The following SLIT3 variants were observed in gnomAD, a reference collection of about 807,000 sequenced individuals.
SLIT3 encodes the protein slit guidance ligand 3.
SLIT3 carries 68 observed loss-of-function variants against 184.0 expected under a neutral mutation model. That is an observed-to-expected ratio of 0.37 (90% CI 0.30 to 0.45). The LOEUF (loss-of-function observed/expected upper bound fraction) is 0.45. Ranked by LOEUF, SLIT3 falls within the 20% of genes least tolerant of loss-of-function variation. The pLI is 1.00. For missense variants in SLIT3, 1,707 were observed against 2,026.0 expected (o/e 0.84, Z 3.02); for synonymous variants, 831 against 828.6 (o/e 1.00, Z -0.05).
intron 4 of SLIT3, among the ~76,000 whole-genome samples, chr5:169,038,452 A>G (rs1299388045): frequency 3.3e-5 from 5 of 152,244 alleles, no homozygotes; most frequent in African/African-American, 1.2e-4. Flanking sequence ...ATATGTGTAA[A>G]TAAGAAGATG....
chr5:169,078,795 T>C (rs1758849218), intron 4 of SLIT3, among the ~76,000 whole-genome samples: 1 of 152,212 alleles, frequency 6.6e-6, no homozygotes, highest in African/African-American at 2.4e-5. Flanking sequence ...GTGGCAGATA[T>C]CATACCAGAC....
chr5:168,982,025 A>G (rs1754965934), intron 4 of SLIT3, among the ~76,000 whole-genome samples: 1 of 152,230 alleles, frequency 6.6e-6, no homozygotes, highest in Non-Finnish European at 1.5e-5. Context: ...CCACCTATAT[A>G]TGATATTAAC....
intron 1 of SLIT3, among the ~76,000 whole-genome samples, chr5:169,274,819 ATACT>A (rs920637861): frequency 6.6e-5 from 10 of 152,212 alleles, no homozygotes; most frequent in Non-Finnish European, 1.3e-4. Context: ...CTGGATTCAA[ATACT>A]TACCAGTTGG....
At chr5:169,254,300 C>A (rs1420957783) in intron 1 of SLIT3, among the ~76,000 whole-genome samples, 1 of 152,126 alleles carries the variant, frequency 6.6e-6, no homozygotes, top group African/African-American at 2.4e-5. Flanking sequence ...ACTGTCCCGG[C>A]CCAGGCTCCT....
Position 169,044,609 on chromosome 5 carries a change from T to C in SLIT3, c.413+148870A>G, listed in dbSNP as rs1163236520. On this transcript the variant is annotated intron_variant, in intron 4 of 35. Coordinates refer to ENST00000519560, the MANE Select transcript of SLIT3 (RefSeq NM_003062.4). ...AGGTGGGGGGGGGGATGGGGAGAAA[T>C]TGTTAATGGGTACCAGATTTCTCTT... 2.0e-5 allele frequency among the ~76,000 whole-genome samples: 3 copies of C among 151,176 alleles called. No homozygotes were observed. In the East Asian group the frequency reaches 5.8e-4, roughly 29 times the overall value.
At chr5:168,865,246 G>A (rs1759257733) in intron 5 of SLIT3, among the ~76,000 whole-genome samples, 1 of 151,594 alleles carries the variant, frequency 6.6e-6, no homozygotes, top group South Asian at 2.1e-4. Flanking sequence ...TTTACGTGAG[G>A]GAAATGAAAA....
intron 4 of SLIT3, among the ~76,000 whole-genome samples, chr5:169,116,239 C>T (rs544420489): frequency 2.5e-4 from 38 of 152,090 alleles, no homozygotes; most frequent in Non-Finnish European, 4.1e-4. Flanking sequence ...CAGGGCAGTC[C>T]GGGCAAAGAA....
At chr5:168,818,702 C>T (rs558971589) in intron 7 of SLIT3, among the ~76,000 whole-genome samples, 4 of 152,224 alleles carry the variant, frequency 2.6e-5, no homozygotes, top group South Asian at 2.1e-4. Context: ...GCCCCCTCCA[C>T]GCCTGGAATA....
chr5:168,858,816 T>C (rs1177248272), intron 5 of SLIT3, among the ~76,000 whole-genome samples: 1 of 152,238 alleles, frequency 6.6e-6, no homozygotes, highest in Non-Finnish European at 1.5e-5. Context: ...ATTCTTGGCA[T>C]TTACATCCCG....
chr5:169,137,567 C>G (rs75836000), intron 4 of SLIT3, among the ~76,000 whole-genome samples: 5 of 152,120 alleles, frequency 3.3e-5, no homozygotes, highest in Admixed American at 6.5e-5. Context: ...TCCTGGCTTA[C>G]GTCCCTTCAT....
chr5:169,109,641 C>G (rs926560511), intron 4 of SLIT3, among the ~76,000 whole-genome samples: 2 of 152,322 alleles, frequency 1.3e-5, no homozygotes, highest in South Asian at 2.1e-4. Flanking sequence ...TCTGGAAGAA[C>G]AAAACTAAGG....
chr5:169,286,605 G>T (rs997082743), intron 1 of SLIT3, among the ~76,000 whole-genome samples: 2 of 152,182 alleles, frequency 1.3e-5, no homozygotes, highest in African/African-American at 4.8e-5. Flanking sequence ...CTTGTCCAAG[G>T]TCACATGGTG....
At chr5:169,147,687 C>T (rs954103922) in intron 4 of SLIT3, among the ~76,000 whole-genome samples, 3 of 152,178 alleles carry the variant, frequency 2.0e-5, no homozygotes, top group African/African-American at 7.2e-5. Context: ...TGGCCCTCTG[C>T]CCCTTTCTCT....
chr5:169,256,632 A>T (rs1765970353), intron 1 of SLIT3, among the ~76,000 whole-genome samples: 1 of 152,238 alleles, frequency 6.6e-6, no homozygotes, highest in South Asian at 2.1e-4. Context: ...GAGGTGGAAC[A>T]GAAAGGAGGA....
chr5:169,143,094 G>T (rs954533685), intron 4 of SLIT3, among the ~76,000 whole-genome samples: 1 of 152,146 alleles, frequency 6.6e-6, no homozygotes, highest in Non-Finnish European at 1.5e-5. Flanking sequence ...TTGTGTCTCT[G>T]CCACTTTAAC....
intron 4 of SLIT3, among the ~76,000 whole-genome samples, chr5:168,962,206 T>C (rs1763035387): frequency 6.6e-6 from 1 of 152,020 alleles, no homozygotes; most frequent in African/African-American, 2.4e-5. Flanking sequence ...CTGGTCACAC[T>C]GGAGATGCAG....
chr5:169,018,865 C>T (rs527442305), intron 4 of SLIT3, among the ~76,000 whole-genome samples: 2 of 152,194 alleles, frequency 1.3e-5, no homozygotes, highest in East Asian at 1.9e-4. Flanking sequence ...AACGGGAACA[C>T]GCTGACGGCT....
intron 4 of SLIT3, among the ~76,000 whole-genome samples, chr5:168,939,663 G>A (rs1762271706): frequency 6.6e-6 from 1 of 152,152 alleles, no homozygotes; most frequent in African/African-American, 2.4e-5. Context: ...GCAAACAAAT[G>A]GCTCTTTTTC....
chr5:168,711,114 A>T (rs1762545609), intron 24 of SLIT3, 56 bp from the exon 25 acceptor site: 1 of 1,430,440 alleles, frequency 7.0e-7, no homozygotes. Flanking sequence ...AGTAGCCTTC[A>T]TATCCTTGGC....
Sources: allele counts gnomAD v4.1 joint callset (sites outside exome capture counted in the v4.1 genomes callset), GRCh38; gene constraint gnomAD v4.1.1; transcripts MANE v1.5; gene names NCBI Gene and HGNC (gene_info 2026-07-23, HGNC 2026-07-21).